Variants in KLHL6 observed in about 807,000 individuals in gnomAD.
KLHL6 encodes kelch like family member 6, also known as kelch-like protein 6.
A neutral mutation model predicts 58.6 loss-of-function variants in KLHL6; 41 were observed. The observed-to-expected ratio is 0.70, with a 90% CI of 0.55 to 0.91. The LOEUF is 0.91. Among genes scored for constraint, KLHL6 ranks in the 40% least tolerant of loss-of-function variants. The probability of loss-of-function intolerance (pLI) is 0.00; values close to 1 mark genes in which losing one functional copy is unlikely to be tolerated. For missense variants in KLHL6, 714 were observed against 805.6 expected, an observed-to-expected ratio of 0.89 and a Z score of 1.38; for synonymous variants, 338 against 322.7, an observed-to-expected ratio of 1.05 and a Z score of -0.51.
In KLHL6 at chr3:183,488,523, G is replaced by A. The variant is rs111348313; in HGVS notation, c.*3404C>T. On this transcript the variant is annotated 3_prime_UTR_variant, in exon 7 of 7. Coordinates refer to ENST00000341319, the MANE Select transcript of KLHL6 (RefSeq NM_130446.4). ...ACCCCATCTTCTTCTTCCCAGCCAG[G>A]GGTGCTCTGTCCACTCACAGGCCCT... The A allele has an allele frequency of 6.6e-6, 1 of 152,608 alleles. No individual in the cohort carries two copies. Among genetic ancestry groups the A allele is most frequent in the South Asian group, 2.1e-4 (1 of 4,826 alleles). 9.5% of individuals were successfully genotyped at this position (152,608 alleles called of 1,614,324 possible). A position where few individuals can be genotyped will look rare whatever the true frequency, so the allele number is the denominator to read the frequency against.
chr3:183,504,726 G>A (rs564809312), intron 3 of KLHL6, among the ~76,000 whole-genome samples: 2 of 152,298 alleles, frequency 1.3e-5, no homozygotes, highest in African/African-American at 4.8e-5. Flanking sequence ...GGTTCAGCAT[G>A]TGCAGATTTG....
At chr3:183,514,653 CT>C (rs918077694) in intron 2 of KLHL6, among the ~76,000 whole-genome samples, 8 of 151,830 alleles carry the variant, frequency 5.3e-5, no homozygotes, top group South Asian at 2.1e-4. Flanking sequence ...TGTTTTCTTT[CT>C]TTTTTTAAAT....
At chr3:183,528,111 T>G (rs2108685602) in intron 1 of KLHL6, 101 bp from the exon 2 acceptor site, 1 of 1,343,066 alleles carries the variant, frequency 7.4e-7, no homozygotes, top group Non-Finnish European at 1.0e-6. Flanking sequence ...GAACAGGGGG[T>G]TTCCCAAGGT....
intron 4 of KLHL6, among the ~76,000 whole-genome samples, chr3:183,498,262 C>T (rs1365752290): frequency 2.0e-5 from 3 of 152,090 alleles, no homozygotes; most frequent in Admixed American, 6.6e-5. Context: ...ATAAAATAAA[C>T]GTCTACAAGA....
chr3:183,552,780 A>G (rs1712978456), intron 1 of KLHL6, among the ~76,000 whole-genome samples: 3 of 151,574 alleles, frequency 2.0e-5, no homozygotes, highest in Admixed American at 2.0e-4. Flanking sequence ...TGACCTCCCT[A>G]AACCTGAGCA....
At chr3:183,510,094 A>G (rs371629329) in intron 2 of KLHL6, among the ~76,000 whole-genome samples, 2 of 152,114 alleles carry the variant, frequency 1.3e-5, no homozygotes, top group Non-Finnish European at 1.5e-5. Flanking sequence ...TATATCCATT[A>G]TATTTTGTAA....
rs1560089493 is a variant in KLHL6 at position 183,492,585 on chromosome 3, A to C, written c.1473T>G (p.Pro491=). 2 of 1,614,236 alleles carry C rather than the reference A, an allele frequency of 1.2e-6. No individual in the cohort carries two copies. The highest frequency in any genetic ancestry group is 2.2e-5 in the East Asian group (1 of 44,882). ...CCTTCAAACTCCACTTGTTGGTGGA[A>C]GGGTCATAACACTGAGTCTTGTCTG... ...LATDKTQCYD[P]STNKWSLKAA... The change falls in exon 6 of 7, where the codon CCT becomes CCG. Residue 491 remains proline (P), a synonymous_variant. Coordinates refer to ENST00000341319, the MANE Select transcript of KLHL6 (RefSeq NM_130446.4). The surrounding 1 kb of genome is among the most constrained non-coding windows in gnomAD (Gnocchi z 5.9).
At position 183,508,153 on chromosome 3, in the gene KLHL6, ACAAAGTAC is replaced by A. The variant is rs1183591147; in HGVS notation, c.807_814del (p.Trp269CysfsTer32). 6.2e-7 allele frequency: 1 copy of A among 1,614,088 alleles called. No homozygotes were observed. Among genetic ancestry groups the A allele is most frequent in the African/African-American group, 1.3e-5 (1 of 74,928 alleles). On this transcript the variant is annotated frameshift_variant, in exon 3 of 7. Transcript: ENST00000341319. LOFTEE classifies it high-confidence loss of function. The stretch of plus-strand genomic sequence containing the variant: ...GAGAGGATCTGCTTCCACCGTCTCC[ACAAAGTAC>A]CACGGGTCCAGAAGCGGTAAGCGCA...
chr3:183,512,805 T>TATAAATAA (rs563431083), intron 2 of KLHL6, among the ~76,000 whole-genome samples: 1 of 151,440 alleles, frequency 6.6e-6, no homozygotes, highest in Admixed American at 6.6e-5. Flanking sequence ...ATCCTATTTT[T>TATAAATAA]ATAAATAAAT....
chr3:183,532,373 A>G (rs1712190846), intron 1 of KLHL6, among the ~76,000 whole-genome samples: 1 of 152,228 alleles, frequency 6.6e-6, no homozygotes, highest in South Asian at 2.1e-4. Flanking sequence ...AAGTGTGAGG[A>G]AATAAACATT....
At chr3:183,538,380 C>G (rs1712434086) in intron 1 of KLHL6, among the ~76,000 whole-genome samples, 1 of 152,154 alleles carries the variant, frequency 6.6e-6, no homozygotes, top group Non-Finnish European at 1.5e-5. Context: ...CACTCCTACA[C>G]CGGCTCCACC....
At chr3:183,495,420 A>G (rs1577175040) in intron 4 of KLHL6, among the ~76,000 whole-genome samples, 1 of 152,126 alleles carries the variant, frequency 6.6e-6, no homozygotes, top group South Asian at 2.1e-4. Flanking sequence ...TTTTGTTCAT[A>G]TAGTTTGGCT....
intron 1 of KLHL6, among the ~76,000 whole-genome samples, chr3:183,551,847 G>A (rs1320221049): frequency 7.2e-5 from 11 of 152,104 alleles, no homozygotes; most frequent in Middle Eastern, 3.4e-3. Context: ...ACTATTTAAC[G>A]CTTTGTTTAC....
At chr3:183,551,403 AT>A (rs1302861846) in intron 1 of KLHL6, among the ~76,000 whole-genome samples, 1 of 152,178 alleles carries the variant, frequency 6.6e-6, no homozygotes, top group Admixed American at 6.5e-5. Flanking sequence ...CATATGAAAG[AT>A]TTTTGTGAGC....
chr3:183,543,358 G>A (rs778125349), intron 1 of KLHL6, among the ~76,000 whole-genome samples: 1 of 151,750 alleles, frequency 6.6e-6, no homozygotes, highest in Non-Finnish European at 1.5e-5. Context: ...GCTAATCATC[G>A]GTGGTACACT....
intron 1 of KLHL6, among the ~76,000 whole-genome samples, chr3:183,543,894 T>A (rs554052087): frequency 2.2e-3 from 333 of 152,358 alleles, no homozygotes; most frequent in African/African-American, 7.8e-3. Flanking sequence ...CCGGGTGTGG[T>A]GGCTCACGCC....
chr3:183,536,593 A>G (rs1712374458), intron 1 of KLHL6, among the ~76,000 whole-genome samples: 2 of 152,322 alleles, frequency 1.3e-5, no homozygotes, highest in South Asian at 2.1e-4. Context: ...GTAAAATGGT[A>G]TAATAGTCCC....
chr3:183,527,874 G>A lies in KLHL6; in HGVS notation c.430C>T (p.Arg144Trp), dbSNP rs1489826660. ...AAGAGGTTAGCAGCCTCCAGGACCCGCTGGACATTCTGCTTGGTGATCAGC... is the reference window on the plus strand; with the variant it reads ...AAGAGGTTAGCAGCCTCCAGGACCCACTGGACATTCTGCTTGGTGATCAGC... ...KALITKQNVQ[R>W]VLEAANLFQF... Residue 144 changes from arginine to tryptophan, a missense_variant, in exon 2 of 7, where the codon CGG becomes TGG. Around this residue, in one of 2 missense-constraint regions of KLHL6, gnomAD observed 510 missense variants for 629.7 expected, o/e 0.81. Coordinates refer to ENST00000341319, the MANE Select transcript of KLHL6 (RefSeq NM_130446.4). The A allele has an allele frequency of 6.2e-6, 10 of 1,614,012 alleles. No homozygotes were observed. Among genetic ancestry groups the A allele is most frequent in the Non-Finnish European group, 6.8e-6 (8 of 1,179,994 alleles).
At chr3:183,509,912 TTTTA>T (rs932905199) in intron 2 of KLHL6, among the ~76,000 whole-genome samples, 23 of 152,172 alleles carry the variant, frequency 1.5e-4, no homozygotes, top group African/African-American at 5.1e-4. Context: ...TATTTATATG[TTTTA>T]TTTATTTATA....
Sources: allele counts gnomAD v4.1 joint callset (sites outside exome capture counted in the v4.1 genomes callset), GRCh38; gene constraint gnomAD v4.1.1; regional missense constraint gnomAD v4.1.1; non-coding constraint Gnocchi (gnomAD v3.1); transcripts MANE v1.5; gene names NCBI Gene and HGNC (gene_info 2026-07-23, HGNC 2026-07-21).